The following PTPRQ variants were observed in gnomAD, a reference collection of about 807,000 sequenced individuals.
PTPRQ encodes the protein phosphatidylinositol phosphatase PTPRQ.
A neutral mutation model predicts 246.0 loss-of-function variants in PTPRQ; 199 were observed. That is an observed-to-expected ratio of 0.81 (90% CI 0.72 to 0.91). The LOEUF is 0.91. Among genes scored for constraint, PTPRQ ranks in the 40% least tolerant of loss-of-function variants. The pLI is 0.00. For missense variants in PTPRQ, 2,624 were observed against 2,528.4 expected, an observed-to-expected ratio of 1.04 and a Z score of -0.81; for synonymous variants, 869 against 853.2, an observed-to-expected ratio of 1.02 and a Z score of -0.32.
chr12:80,653,105 C>A (rs1900308787), intron 38 of PTPRQ, among the ~76,000 whole-genome samples: 1 of 152,052 alleles, frequency 6.6e-6, no homozygotes, highest in South Asian at 2.1e-4. Flanking sequence ...TAATTAAACC[C>A]AAGTAATGAA....
rs763916490 is a variant in PTPRQ, at chr12:80,616,163, T to C, written c.5164-37T>C. On this transcript the variant is annotated intron_variant, in intron 29 of 44. Coordinates refer to ENST00000644991, the MANE Select transcript of PTPRQ (RefSeq NM_001145026.2). ...TATATACACACACATACATAAGCAA[T>C]CACTTGAAAATAGTAACAAATATTT... The C allele has an allele frequency of 1.9e-5, 27 of 1,423,338 alleles. No individual in the cohort carries two copies. In the South Asian group the frequency reaches 2.8e-4, roughly 15 times the overall value. 88.2% of individuals were successfully genotyped at this position (1,423,338 alleles called of 1,614,324 possible). A position where few individuals can be genotyped will look rare whatever the true frequency, so the allele number is the denominator to read the frequency against.
intron 22 of PTPRQ, 123 bp downstream of exon 22, chr12:80,542,487 A>G: frequency 9.5e-6 from 13 of 1,371,952 alleles, no homozygotes; most frequent in Non-Finnish European, 1.2e-5. Context: ...CCTTACCATT[A>G]TATTTACTTT....
Position 80,679,600 on chromosome 12 carries a change from C to G in PTPRQ, c.*577C>G, listed in dbSNP as rs1453587707. 1 of 152,032 alleles carries G rather than the reference C, an allele frequency of 6.6e-6. No homozygotes were observed. The highest frequency in any genetic ancestry group is 1.5e-5 in the Non-Finnish European group (1 of 67,976). 9.4% of individuals were successfully genotyped at this position (152,032 alleles called of 1,614,324 possible). A position where few individuals can be genotyped will look rare whatever the true frequency, so the allele number is the denominator to read the frequency against. ...GATTACTTGGCCTTTATACAACACA[C>G]AGTAGCTCTTCAGGGACACTTAGGG... On this transcript the variant is annotated 3_prime_UTR_variant, in exon 45 of 45. Transcript: ENST00000644991.
chr12:80,457,522 C>T (rs1893017035), intron 3 of PTPRQ, 53 bp from the exon 4 acceptor site: 1 of 399,860 alleles, frequency 2.5e-6, no homozygotes, highest in Non-Finnish European at 4.4e-6. Context: ...ATTTTAGATT[C>T]TCTTTTTTCA....
At chr12:80,517,060 A>G (rs1322655292) in intron 17 of PTPRQ, among the ~76,000 whole-genome samples, 3 of 152,140 alleles carry the variant, frequency 2.0e-5, no homozygotes, top group Non-Finnish European at 4.4e-5. Flanking sequence ...GTTCTCTCTC[A>G]ACTCTTTCCT....
intron 6 of PTPRQ, among the ~76,000 whole-genome samples, chr12:80,463,964 G>A (rs1026727355): frequency 2.0e-5 from 3 of 151,302 alleles, no homozygotes; most frequent in East Asian, 1.9e-4. Context: ...ATCAACTAAC[G>A]AGCAAAATAA....
intron 33 of PTPRQ, 114 bp from the exon 34 acceptor site, chr12:80,632,078 G>A (rs534280688): frequency 7.5e-7 from 1 of 1,338,248 alleles, no homozygotes; most frequent in Non-Finnish European, 1.0e-6. Flanking sequence ...CATTTTACTA[G>A]TATTCTTCAG....
At chr12:80,646,542 T>A (rs1471999013) in intron 35 of PTPRQ, among the ~76,000 whole-genome samples, 2 of 152,186 alleles carry the variant, frequency 1.3e-5, no homozygotes, top group Non-Finnish European at 2.9e-5. Context: ...GGTTGATGGA[T>A]GTTTCTTGGA....
At chr12:80,590,455 C>T (rs966831014) in intron 26 of PTPRQ, among the ~76,000 whole-genome samples, 1 of 151,936 alleles carries the variant, frequency 6.6e-6, no homozygotes, top group African/African-American at 2.4e-5. Flanking sequence ...ATCACGAGGT[C>T]AGGAGATCGA....
Position 80,562,595 on chromosome 12 carries a change from T to C in PTPRQ, c.4285+12861T>C, listed in dbSNP as rs1028830642. 2.0e-5 allele frequency among the ~76,000 whole-genome samples: 3 copies of C among 152,088 alleles called. No homozygotes were observed. The East Asian group carries it at 5.8e-4, about 29-fold the overall frequency. ...TATGCTAAAATATATTGAATTGAAA[T>C]GAAAATTCAACATATCAAAATTTGT... On this transcript the variant is annotated intron_variant, in intron 25 of 44. Coordinates refer to ENST00000644991, the MANE Select transcript of PTPRQ (RefSeq NM_001145026.2).
At chr12:80,470,292 T>C (rs1565727068) in intron 7 of PTPRQ, among the ~76,000 whole-genome samples, 1 of 152,178 alleles carries the variant, frequency 6.6e-6, no homozygotes, top group Non-Finnish European at 1.5e-5. Flanking sequence ...AAGTTGTTCT[T>C]ATAGGTTGTA....
chr12:80,633,259 A>G (rs1899509864), intron 34 of PTPRQ, among the ~76,000 whole-genome samples: 1 of 152,236 alleles, frequency 6.6e-6, no homozygotes, highest in Non-Finnish European at 1.5e-5. Context: ...ATCAGGTCTA[A>G]ATATTAAAGT....
intron 33 of PTPRQ, among the ~76,000 whole-genome samples, chr12:80,625,160 T>C (rs1265060995): frequency 6.6e-6 from 1 of 152,162 alleles, no homozygotes; most frequent in African/African-American, 2.4e-5. Flanking sequence ...GGCAGGCAAA[T>C]AATAAAGTGC....
chr12:80,675,349 G>T (rs749139640), intron 43 of PTPRQ, among the ~76,000 whole-genome samples: 12 of 152,122 alleles, frequency 7.9e-5, no homozygotes, highest in Non-Finnish European at 1.6e-4. Context: ...TAGGTAGCTG[G>T]TCTTTATCAA....
intron 25 of PTPRQ, among the ~76,000 whole-genome samples, chr12:80,587,576 A>G (rs1897661743): frequency 1.3e-5 from 2 of 152,212 alleles, no homozygotes; most frequent in Admixed American, 6.5e-5. Flanking sequence ...GACTCCAAGC[A>G]GGACTACATG....
chr12:80,672,443 T>A (rs1900999338), intron 42 of PTPRQ, among the ~76,000 whole-genome samples: 1 of 151,900 alleles, frequency 6.6e-6, no homozygotes, highest in African/African-American at 2.4e-5. Flanking sequence ...TTTCATGTGG[T>A]TCAAAGTAAT....
At chr12:80,553,406 T>C (rs926381899) in intron 25 of PTPRQ, among the ~76,000 whole-genome samples, 2 of 152,096 alleles carry the variant, frequency 1.3e-5, no homozygotes, top group Non-Finnish European at 2.9e-5. Flanking sequence ...TAGTAAGAAC[T>C]GGGAATTTAT....
intron 26 of PTPRQ, among the ~76,000 whole-genome samples, chr12:80,594,455 GA>G (rs1897902281): frequency 2.0e-5 from 3 of 152,170 alleles, no homozygotes; most frequent in Admixed American, 1.3e-4. Context: ...AGATGCTGTT[GA>G]AAATCTTCTA....
intron 31 of PTPRQ, among the ~76,000 whole-genome samples, chr12:80,619,759 T>C (rs1027979917): frequency 6.6e-6 from 1 of 151,588 alleles, no homozygotes; most frequent in Non-Finnish European, 1.5e-5. Flanking sequence ...ATGTCATTTA[T>C]TTATACCAAT....
Sources: allele counts gnomAD v4.1 joint callset (sites outside exome capture counted in the v4.1 genomes callset), GRCh38; gene constraint gnomAD v4.1.1; transcripts MANE v1.5; gene names NCBI Gene and HGNC (gene_info 2026-07-23, HGNC 2026-07-21).